Variants in FAM186B observed in about 807,000 individuals in gnomAD.
FAM186B encodes the protein family with sequence similarity 186 member B.
A neutral mutation model predicts 83.4 loss-of-function variants in FAM186B; 68 were observed. The observed-to-expected ratio is 0.81, with a 90% CI of 0.67 to 1.00. The LOEUF (loss-of-function observed/expected upper bound fraction) is 1.00. Among genes scored for constraint, FAM186B ranks in the 50% least tolerant of loss-of-function variants. The pLI, the probability that FAM186B is intolerant of heterozygous loss-of-function variation, is 0.00. For synonymous variants in FAM186B, 389 were observed against 422.0 expected (o/e 0.92, Z 0.96); for missense variants, 983 against 1,099.2 (o/e 0.89, Z 1.49).
At chr12:49,612,870 C>A in the FAM186B span, among the ~76,000 whole-genome samples, 1 of 152,180 alleles carries the variant, frequency 6.6e-6, no homozygotes, top group Non-Finnish European at 1.5e-5. Context: ...AAATTCGACA[C>A]CTGACCAATT....
Position 49,601,121 on chromosome 12 carries a change from G to A in FAM186B, c.519C>T (p.Thr173=). Reference sequence around the variant, plus strand: ...TTCTTCCCTGCCAGCCCTGCCAGAAGGTGCGTTTGGACACTGGGACAGGTA... The same window carrying A: ...TTCTTCCCTGCCAGCCCTGCCAGAAAGTGCGTTTGGACACTGGGACAGGTA... ...QKKRSQVSKR[T]FWQGWQGRSP... The change falls in exon 4 of 7, where the codon ACC becomes ACT. Residue 173 remains threonine (T), a synonymous_variant. Coordinates refer to ENST00000257894, the MANE Select transcript of FAM186B (RefSeq NM_032130.3). 6.4e-7 allele frequency: 1 copy of A among 1,564,944 alleles called. No individual in the cohort carries two copies. Among genetic ancestry groups the A allele is most frequent in the African/African-American group, 1.4e-5 (1 of 73,340 alleles).
At chr12:49,610,989 C>T in the FAM186B span, among the ~76,000 whole-genome samples, 1 of 152,004 alleles carries the variant, frequency 6.6e-6, no homozygotes, top group Non-Finnish European at 1.5e-5. Flanking sequence ...GCCTGTAATC[C>T]CAGCACTTGA....
At position 49,587,721 on chromosome 12, in the gene FAM186B, TC is replaced by T; in HGVS notation, c.2565del (p.Trp855Ter). The T allele has an allele frequency of 1.2e-6, 2 of 1,614,018 alleles. No homozygotes were observed. The highest frequency in any genetic ancestry group is 1.7e-6 in the Non-Finnish European group (2 of 1,179,972). ...TAACTGGAGGAGGCCACCTCGGTCT[TC>T]CAGACAGCCTCCATCTGCTTCCCCT... The part of the protein sequence containing the change: ...RQQGKQMEAV[W>X]KTEVASSSYA... On this transcript the variant is annotated frameshift_variant, in exon 7 of 7. Coordinates refer to ENST00000257894, the MANE Select transcript of FAM186B (RefSeq NM_032130.3). LOFTEE classifies it low-confidence loss of function (END_TRUNC).
chr12:49,604,785 G>A, intron 1 of FAM186B: 2 of 397,780 alleles, frequency 5.0e-6, no homozygotes, highest in South Asian at 9.7e-5. Flanking sequence ...TTATCATTGT[G>A]ATTATTAAGA....
the FAM186B span, chr12:49,619,537 C>G: frequency 1.4e-6 from 1 of 702,130 alleles, no homozygotes; most frequent in Non-Finnish European, 2.6e-6. Flanking sequence ...CAGCCCAAGG[C>G]TTTGTTGAAG....
the FAM186B span, chr12:49,619,220 CA>C: frequency 5.1e-6 from 1 of 196,724 alleles, no homozygotes; most frequent in Non-Finnish European, 1.0e-5. Flanking sequence ...ATGGTCTCCT[CA>C]AAAAAGCGGG....
upstream of FAM186B, among the ~76,000 whole-genome samples, chr12:49,605,997 C>T (rs968933511): frequency 6.6e-6 from 1 of 151,760 alleles, no homozygotes; most frequent in African/African-American, 2.4e-5. Flanking sequence ...CTCCTGACCT[C>T]GTGATCCACC....
At chr12:49,593,777 A>G (rs1026308730) in intron 5 of FAM186B, among the ~76,000 whole-genome samples, 18 of 152,214 alleles carry the variant, frequency 1.2e-4, no homozygotes, top group Non-Finnish European at 4.4e-5. Flanking sequence ...TTTGGAGACC[A>G]GCCTGGACAA....
At chr12:49,611,115 G>A in the FAM186B span, among the ~76,000 whole-genome samples, 7 of 152,090 alleles carry the variant, frequency 4.6e-5, no homozygotes, top group Non-Finnish European at 5.9e-5. Flanking sequence ...GTTTATGCCT[G>A]TAATCCTAGC....
At chr12:49,606,391 A>C (rs919144934), upstream of FAM186B, among the ~76,000 whole-genome samples, 1 of 151,670 alleles carries the variant, frequency 6.6e-6, no homozygotes, top group Non-Finnish European at 1.5e-5. Context: ...ACTACTTGAG[A>C]GGTTGAGATG....
chr12:49,599,585 G>A lies in FAM186B; in HGVS notation c.2055C>T (p.Pro685=). 1.2e-6 allele frequency: 2 copies of A among 1,612,992 alleles called. No homozygotes were observed. Among genetic ancestry groups the A allele is most frequent in the Non-Finnish European group, 1.7e-6 (2 of 1,179,434 alleles). ...LLSEESELRL[P]HYLRSKALEL... ...CCAGTGCTTTGCTGCGCAGGTAGTG[G>A]GGCAGCCTCAACTCAGACTCCTCAC... Residue 685 remains proline, a synonymous_variant, in exon 4 of 7, where the codon CCC becomes CCT. Transcript: ENST00000257894.
chr12:49,593,527 G>A (rs767436105), intron 5 of FAM186B, among the ~76,000 whole-genome samples: 1 of 151,622 alleles, frequency 6.6e-6, no homozygotes, highest in Non-Finnish European at 1.5e-5. Flanking sequence ...CCAGCTACTC[G>A]GGAGGCTGAG....
At chr12:49,597,726 TTAAA>T (rs973341901) in intron 5 of FAM186B, among the ~76,000 whole-genome samples, 2 of 152,204 alleles carry the variant, frequency 1.3e-5, no homozygotes, top group Non-Finnish European at 2.9e-5. Context: ...GTTATAAACC[TTAAA>T]TATATACAAT....
chr12:49,589,440 AG>A (rs781161555), intron 5 of FAM186B, among the ~76,000 whole-genome samples: 28 of 152,216 alleles, frequency 1.8e-4, no homozygotes, highest in Non-Finnish European at 3.5e-4. Flanking sequence ...TTGCAAATGA[AG>A]GAGTCTGGCA....
intron 5 of FAM186B, among the ~76,000 whole-genome samples, chr12:49,597,124 T>C (rs1454402060): frequency 6.6e-6 from 1 of 152,200 alleles, no homozygotes; most frequent in Non-Finnish European, 1.5e-5. Flanking sequence ...GGTTACACCA[T>C]ATAGTCTAGG....
At chr12:49,617,085 G>A in the FAM186B span, among the ~76,000 whole-genome samples, 1 of 152,052 alleles carries the variant, frequency 6.6e-6, no homozygotes, top group East Asian at 1.9e-4. Flanking sequence ...CCTCTCACAC[G>A]AGCAGCTTGG....
At chr12:49,583,918 G>A (rs1036267160), downstream of FAM186B, 2 of 154,560 alleles carry the variant, frequency 1.3e-5, no homozygotes, top group Non-Finnish European at 2.9e-5. Flanking sequence ...TAACTGAACT[G>A]ACAGACGCTT....
At position 49,587,752 on chromosome 12, in the gene FAM186B, G is replaced by A; in HGVS notation, c.2535C>T (p.Arg845=). The A allele has an allele frequency of 6.2e-7, 1 of 1,611,978 alleles. No individual in the cohort carries two copies. Among genetic ancestry groups the A allele is most frequent in the Non-Finnish European group, 8.5e-7 (1 of 1,179,076 alleles). Residue 845 remains arginine (R), a splice_region_variant and synonymous_variant, in exon 7 of 7, where the codon CGC becomes CGT. Transcript: ENST00000257894. ...CAGCCTCCATCTGCTTCCCCTGTTG[G>A]CTGGGAGTGGGGAGTTTGGAGAATG... is the stretch of plus-strand genomic sequence containing the variant. ...HRACVPLQMA[R]QQGKQMEAVW... is the part of the protein sequence containing the mutation.
intron 3 of FAM186B, among the ~76,000 whole-genome samples, chr12:49,602,878 T>G (rs190273189): frequency 6.6e-6 from 1 of 152,316 alleles, no homozygotes; most frequent in African/African-American, 2.4e-5. Context: ...AGGTTCTAGC[T>G]GCTAACTCTA....
Sources: gnomAD v4.1 joint callset for allele counts (sites outside exome capture counted in the v4.1 genomes callset) on GRCh38, gnomAD v4.1.1 for gene constraint, MANE v1.5 for transcripts, NCBI Gene and HGNC (gene_info 2026-07-23, HGNC 2026-07-21) for gene names.